Variants in SLC39A12 observed in about 807,000 individuals in gnomAD.
SLC39A12 encodes the protein solute carrier family 39 member 12, also known as zinc transporter ZIP12.
SLC39A12 carries 63 observed loss-of-function variants against 71.1 expected under a neutral mutation model. The observed-to-expected ratio is 0.89, with a 90% CI of 0.72 to 1.09. The LOEUF is 1.09. Among genes scored for constraint, SLC39A12 ranks in the 50% least tolerant of loss-of-function variants. The pLI, the probability that SLC39A12 is intolerant of heterozygous loss-of-function variation, is 0.00. For missense variants in SLC39A12, 892 were observed against 812.6 expected, an observed-to-expected ratio of 1.10 and a Z score of -1.19; for synonymous variants, 351 against 301.3, an observed-to-expected ratio of 1.16 and a Z score of -1.71.
intron 12 of SLC39A12, among the ~76,000 whole-genome samples, chr10:18,006,161 G>A (rs1836011158): frequency 6.6e-6 from 1 of 152,190 alleles, no homozygotes; most frequent in Non-Finnish European, 1.5e-5. Context: ...TTCTGAACAA[G>A]GTTAATGTGA....
chr10:17,992,750 G>A (rs1300181155), intron 8 of SLC39A12, among the ~76,000 whole-genome samples: 1 of 152,090 alleles, frequency 6.6e-6, no homozygotes, highest in Non-Finnish European at 1.5e-5. Flanking sequence ...CTTAAAATGA[G>A]TTTTAAGAGC....
intron 2 of SLC39A12, among the ~76,000 whole-genome samples, chr10:17,957,566 C>T (rs1352732425): frequency 6.6e-6 from 1 of 152,104 alleles, no homozygotes; most frequent in African/African-American, 2.4e-5. Context: ...CAGCCTTGGA[C>T]AGATCTTGAT....
At chr10:18,037,351 G>T (rs970879459) in intron 12 of SLC39A12, among the ~76,000 whole-genome samples, 1 of 151,950 alleles carries the variant, frequency 6.6e-6, no homozygotes, top group South Asian at 2.1e-4. Flanking sequence ...TTTCTAATTA[G>T]ACCAATTCGC....
chr10:17,983,812 ACATC>A (rs1169356912), intron 6 of SLC39A12, among the ~76,000 whole-genome samples: 5 of 152,096 alleles, frequency 3.3e-5, no homozygotes, highest in Non-Finnish European at 7.4e-5. Context: ...ACCTAGAAAA[ACATC>A]ACTGTCCTCA....
chr10:17,993,526 A>G (rs12359337), intron 9 of SLC39A12, among the ~76,000 whole-genome samples: 4,921 of 152,316 alleles, frequency 0.032, 131 homozygotes, highest in South Asian at 0.081. Context: ...ACTGTCAAAC[A>G]TGTATGGATC....
At chr10:18,030,993 C>T (rs1192867116) in intron 12 of SLC39A12, among the ~76,000 whole-genome samples, 3 of 152,020 alleles carry the variant, frequency 2.0e-5, no homozygotes, top group East Asian at 3.9e-4. Flanking sequence ...TTTTTTATGG[C>T]TGCATAGTAT....
chr10:17,969,873 C>T (rs1207648798), intron 4 of SLC39A12, among the ~76,000 whole-genome samples: 1 of 152,170 alleles, frequency 6.6e-6, no homozygotes, highest in Non-Finnish European at 1.5e-5. Flanking sequence ...CCAATGTCCT[C>T]AAGATTTTCC....
chr10:17,972,743 T>C (rs996131294), intron 4 of SLC39A12, among the ~76,000 whole-genome samples: 5 of 152,026 alleles, frequency 3.3e-5, no homozygotes, highest in Non-Finnish European at 7.4e-5. Context: ...GTGAAGTGTG[T>C]TTCTTATAGG....
At chr10:17,979,121 T>C (rs532749355) in intron 5 of SLC39A12, among the ~76,000 whole-genome samples, 1 of 152,332 alleles carries the variant, frequency 6.6e-6, no homozygotes, top group East Asian at 1.9e-4. Context: ...ATTTCAAAAT[T>C]ACATAGGAAG....
intron 12 of SLC39A12, among the ~76,000 whole-genome samples, chr10:18,028,473 A>G (rs574776447): frequency 3.9e-5 from 6 of 152,310 alleles, no homozygotes; most frequent in Admixed American, 3.9e-4. Flanking sequence ...GCTTGTCATG[A>G]GAGTCTGAAA....
At chr10:17,995,538 T>C in intron 9 of SLC39A12, 118 bp from the exon 10 acceptor site, 1 of 823,390 alleles carries the variant, frequency 1.2e-6, no homozygotes, top group Non-Finnish European at 1.9e-6. Flanking sequence ...GGTTCTAATA[T>C]ACATCTAGAG....
rs140934311 is a variant in SLC39A12 at position 17,995,702 on chromosome 10, T to C, written c.1580T>C (p.Met527Thr). The change falls in exon 10 of 13, where the codon ATG becomes ACG. Residue 527 changes from methionine (M) to threonine (T), a missense_variant. By Grantham distance (81) the Met-to-Thr change is moderately conservative. Coordinates refer to ENST00000377369, the MANE Select transcript of SLC39A12 (RefSeq NM_001145195.2). ...GCAGCTGAAATGCCTATAGGCAGTA[T>C]GACAGCCTCCAACAGAAAATGTGAG... Reference protein sequence around the residue: ...SQAAEMPIGSMTASNRKCKAI... With the variant: ...SQAAEMPIGSTTASNRKCKAI... The C allele has an allele frequency of 1.5e-5, 24 of 1,613,084 alleles. No homozygotes were observed. The African/African-American group carries it at 2.1e-4, about 14-fold the overall frequency.
intron 8 of SLC39A12, 100 bp downstream of exon 8, chr10:17,991,403 G>A: frequency 8.6e-6 from 8 of 927,412 alleles, no homozygotes; most frequent in Non-Finnish European, 1.2e-5. Flanking sequence ...AGTTGCCTGT[G>A]TAAGGGATGT....
At chr10:18,023,247 G>A (rs994072746) in intron 12 of SLC39A12, among the ~76,000 whole-genome samples, 1 of 152,182 alleles carries the variant, frequency 6.6e-6, no homozygotes, top group Admixed American at 6.5e-5. Context: ...TAGAACTGCT[G>A]TCAATTAGAA....
intron 12 of SLC39A12, among the ~76,000 whole-genome samples, chr10:18,030,430 G>A (rs866672491): frequency 1.3e-5 from 2 of 151,396 alleles, no homozygotes; most frequent in African/African-American, 2.4e-5. Context: ...TAGTAGAGAC[G>A]GGGTTTCACC....
intron 3 of SLC39A12, 82 bp downstream of exon 3, chr10:17,961,944 A>C (rs1252991296): frequency 7.2e-7 from 1 of 1,397,630 alleles, no homozygotes; most frequent in Non-Finnish European, 9.7e-7. Context: ...TTTATTTCTA[A>C]GACATTCAAG....
At chr10:17,995,512 T>C in intron 9 of SLC39A12, 144 bp from the exon 10 acceptor site, 1 of 668,048 alleles carries the variant, frequency 1.5e-6, no homozygotes, top group Admixed American at 3.0e-5. Flanking sequence ...ACATTGTGTG[T>C]GTCTATGAAA....
intron 12 of SLC39A12, among the ~76,000 whole-genome samples, chr10:18,035,254 G>T (rs1264215621): frequency 7.0e-6 from 1 of 143,846 alleles, no homozygotes; most frequent in African/African-American, 2.7e-5. Context: ...TTCCAACTTG[G>T]TTCCATTCTC....
At chr10:17,997,032 A>AAAG (rs1554852099) in intron 10 of SLC39A12, among the ~76,000 whole-genome samples, 1 of 151,498 alleles carries the variant, frequency 6.6e-6, no homozygotes, top group Non-Finnish European at 1.5e-5. Flanking sequence ...CAAAAAAAAA[A>AAAG]AAAAAGAAAA....
Sources: allele counts gnomAD v4.1 joint callset (sites outside exome capture counted in the v4.1 genomes callset), GRCh38; gene constraint gnomAD v4.1.1; transcripts MANE v1.5; gene names NCBI Gene and HGNC (gene_info 2026-07-23, HGNC 2026-07-21).